GAS2: variants seen among roughly 807,000 people sequenced by gnomAD.
The protein encoded by GAS2 is growth arrest-specific protein 2.
A neutral mutation model predicts 37.5 loss-of-function variants in GAS2; 20 were observed. That is an observed-to-expected ratio of 0.53 (90% CI 0.37 to 0.77). The LOEUF (loss-of-function observed/expected upper bound fraction) is 0.77, where lower values mean the gene tolerates loss of function less well. GAS2 is among the 30% of genes least tolerant of loss of function. The probability of loss-of-function intolerance (pLI) is 0.00; values close to 1 mark genes in which losing one functional copy is unlikely to be tolerated. For missense variants in GAS2, 336 were observed against 373.4 expected, an observed-to-expected ratio of 0.90 and a Z score of 0.82; for synonymous variants, 144 against 132.2, an observed-to-expected ratio of 1.09 and a Z score of -0.61.
intron 7 of GAS2, among the ~76,000 whole-genome samples, chr11:22,779,083 G>C (rs1471574763): frequency 6.7e-6 from 1 of 148,582 alleles, no homozygotes; most frequent in Non-Finnish European, 1.5e-5. Flanking sequence ...TCTTTTTTGG[G>C]TTTAAAATAA....
intron 3 of GAS2, among the ~76,000 whole-genome samples, chr11:22,692,574 C>G (rs534227712): frequency 1.3e-5 from 2 of 152,112 alleles, no homozygotes; most frequent in Non-Finnish European, 1.5e-5. Context: ...GAGAAATAGT[C>G]GCATTCTTTT....
intron 1 of GAS2, among the ~76,000 whole-genome samples, chr11:22,652,389 G>GC (rs1848789406): frequency 6.6e-6 from 1 of 152,200 alleles, no homozygotes; most frequent in African/African-American, 2.4e-5. Flanking sequence ...TCTCTGCCCT[G>GC]CCCCCAGAGG....
intron 2 of GAS2, among the ~76,000 whole-genome samples, chr11:22,679,367 T>C (rs1233105099): frequency 1.3e-5 from 2 of 152,088 alleles, no homozygotes; most frequent in Non-Finnish European, 2.9e-5. Context: ...GAACCAAATA[T>C]TGCCAATTTG....
intron 1 of GAS2, among the ~76,000 whole-genome samples, chr11:22,641,272 T>G (rs61889393): frequency 7.1e-6 from 1 of 140,226 alleles, no homozygotes; most frequent in Non-Finnish European, 1.5e-5. Context: ...ATATATATCT[T>G]TATATATATC....
intron 3 of GAS2, among the ~76,000 whole-genome samples, chr11:22,712,091 C>G (rs190471497): frequency 1.8e-4 from 28 of 152,284 alleles, no homozygotes; most frequent in Middle Eastern, 3.4e-3. Context: ...GGAGGCCAAC[C>G]AACTCAAGTC....
chr11:22,762,528 A>G (rs769553465), intron 7 of GAS2, among the ~76,000 whole-genome samples: 3 of 152,172 alleles, frequency 2.0e-5, no homozygotes, highest in African/African-American at 4.8e-5. Flanking sequence ...AAATGCAAAT[A>G]TCTTATTCAA....
chr11:22,661,271 C>G (rs1404091969), intron 1 of GAS2, among the ~76,000 whole-genome samples: 1 of 152,176 alleles, frequency 6.6e-6, no homozygotes, highest in African/African-American at 2.4e-5. Flanking sequence ...TGAATCCCGT[C>G]TATCACCCAA....
At chr11:22,725,555 A>G (rs1374968673) in intron 3 of GAS2, among the ~76,000 whole-genome samples, 1 of 152,050 alleles carries the variant, frequency 6.6e-6, no homozygotes, top group Non-Finnish European at 1.5e-5. Context: ...CAGCTCCCCA[A>G]GTAGCTGGGA....
chr11:22,629,034 T>C (rs1001848832), intron 1 of GAS2, among the ~76,000 whole-genome samples: 1 of 152,108 alleles, frequency 6.6e-6, no homozygotes, highest in Non-Finnish European at 1.5e-5. Flanking sequence ...TATGCATGTG[T>C]GTATATATAT....
intron 4 of GAS2, among the ~76,000 whole-genome samples, chr11:22,731,885 T>C (rs915577244): frequency 4.0e-5 from 6 of 151,802 alleles, no homozygotes; most frequent in African/African-American, 1.5e-4. Flanking sequence ...TTTTAGACTT[T>C]TTATTTTTTA....
chr11:22,657,838 G>T (rs1484125641), intron 1 of GAS2, among the ~76,000 whole-genome samples: 3 of 152,164 alleles, frequency 2.0e-5, no homozygotes, highest in African/African-American at 4.8e-5. Flanking sequence ...CATTTTATTA[G>T]AATTTAAATT....
intron 3 of GAS2, among the ~76,000 whole-genome samples, chr11:22,717,352 A>G (rs563408550): frequency 6.6e-6 from 1 of 152,314 alleles, no homozygotes; most frequent in East Asian, 1.9e-4. Flanking sequence ...AAATACTTAC[A>G]GCCAGCTGAT....
rs149237046 is a variant in GAS2, at chr11:22,778,479, G to A, written c.723+22526G>A. 3.9e-4 allele frequency among the ~76,000 whole-genome samples: 60 copies of A among 152,286 alleles called. No individual in the cohort carries two copies. In the East Asian group the frequency reaches 0.012, roughly 29 times the overall value. ...ATGTAGAATAATAGGGTTCAGGAGG[G>A]GTTACTTTGGGTAAAGCTTGAAGAG... is the stretch of plus-strand genomic sequence containing the variant. On this transcript the variant is annotated intron_variant, in intron 7 of 7. Transcript: ENST00000454584.
chr11:22,742,769 G>C (rs1363340736), intron 5 of GAS2, among the ~76,000 whole-genome samples: 2 of 152,026 alleles, frequency 1.3e-5, no homozygotes, highest in Non-Finnish European at 2.9e-5. Context: ...AGCCAAGTCT[G>C]TTGTTACTCG....
At chr11:22,685,536 G>T (rs2133942769) in intron 2 of GAS2, 132 bp from the exon 3 acceptor site, 1 of 827,974 alleles carries the variant, frequency 1.2e-6, no homozygotes. Context: ...GACTATTTCT[G>T]GTAAGCTCCT....
intron 1 of GAS2, among the ~76,000 whole-genome samples, chr11:22,641,834 A>G (rs1413140586): frequency 1.3e-5 from 2 of 152,194 alleles, no homozygotes; most frequent in Non-Finnish European, 2.9e-5. Flanking sequence ...AGTCTAATAC[A>G]GTGATTCCCA....
At chr11:22,644,645 G>A (rs1023653909) in intron 1 of GAS2, among the ~76,000 whole-genome samples, 13 of 151,918 alleles carry the variant, frequency 8.6e-5, no homozygotes, top group African/African-American at 2.9e-4. Flanking sequence ...TTTTGAGATA[G>A]AGTCTTGCTT....
intron 5 of GAS2, among the ~76,000 whole-genome samples, chr11:22,747,260 G>T (rs188540166): frequency 6.6e-6 from 1 of 152,116 alleles, no homozygotes; most frequent in Non-Finnish European, 1.5e-5. Context: ...AAGATCTTAT[G>T]TAAGATGCTT....
intron 1 of GAS2, among the ~76,000 whole-genome samples, chr11:22,650,933 T>C (rs1439409048): frequency 1.3e-5 from 2 of 151,852 alleles, no homozygotes; most frequent in Non-Finnish European, 2.9e-5. Context: ...AAGTTAATAT[T>C]GTTATGTGTG....
Sources: allele counts gnomAD v4.1 joint callset (sites outside exome capture counted in the v4.1 genomes callset), GRCh38; gene constraint gnomAD v4.1.1; transcripts MANE v1.5; gene names NCBI Gene and HGNC (gene_info 2026-07-23, HGNC 2026-07-21).